The following SBF2 variants were observed in gnomAD, a reference collection of about 807,000 sequenced individuals.
SBF2 encodes SET binding factor 2, also known as myotubularin-related protein 13.
Under a neutral mutation model 225.2 loss-of-function variants are expected in SBF2, and 112 were observed. That is an observed-to-expected ratio of 0.50 (90% CI 0.43 to 0.58). The LOEUF is 0.58. SBF2 is among the 20% of genes least tolerant of loss of function. The probability of loss-of-function intolerance (pLI) is 0.00; values close to 1 mark genes in which losing one functional copy is unlikely to be tolerated. For missense variants in SBF2, 1,996 were observed against 2,206.2 expected (o/e 0.90, Z 1.91); for synonymous variants, 763 against 773.3 (o/e 0.99, Z 0.22).
At chr11:9,966,489 C>T (rs1866921180) in intron 14 of SBF2, among the ~76,000 whole-genome samples, 1 of 152,038 alleles carries the variant, frequency 6.6e-6, no homozygotes, top group Non-Finnish European at 1.5e-5. Context: ...ATCTAATTAA[C>T]CAACTTCAAA....
At chr11:10,138,525 ATT>A (rs200917640) in intron 2 of SBF2, among the ~76,000 whole-genome samples, 11,430 of 136,146 alleles carry the variant, frequency 0.084, 611 homozygotes, top group East Asian at 0.3. Context: ...TTCTTTTCCT[ATT>A]TTTTTTTTTT....
chr11:10,273,331 C>G (rs1397229781), intron 1 of SBF2, among the ~76,000 whole-genome samples: 2 of 151,946 alleles, frequency 1.3e-5, no homozygotes, highest in African/African-American at 2.4e-5. Context: ...TTTTTGAACT[C>G]GAATTACTGT....
intron 2 of SBF2, chr11:10,044,454 G>A (rs1949776560): frequency 6.3e-6 from 1 of 158,580 alleles, no homozygotes; most frequent in Non-Finnish European, 1.4e-5. Flanking sequence ...ATAAGCAAAT[G>A]ATATAATAAG....
intron 1 of SBF2, among the ~76,000 whole-genome samples, chr11:10,220,496 T>C (rs997911786): frequency 3.3e-5 from 5 of 152,234 alleles, no homozygotes; most frequent in African/African-American, 1.2e-4. Flanking sequence ...TAAATTCTCA[T>C]GTGAGTTCAT....
chr11:9,950,715 C>A (rs894964782), intron 16 of SBF2, among the ~76,000 whole-genome samples: 1 of 152,090 alleles, frequency 6.6e-6, no homozygotes, highest in East Asian at 1.9e-4. Flanking sequence ...TGCACAAAGA[C>A]ATAAAGGTGA....
chr11:9,993,949 C>A lies in SBF2; in HGVS notation c.1025G>T (p.Arg342Leu). 8.0e-7 allele frequency: 1 copy of A among 1,257,710 alleles called. No individual in the cohort carries two copies. Among genetic ancestry groups the A allele is most frequent in the Non-Finnish European group, 1.2e-6 (1 of 854,684 alleles). The allele number at this position is 1,257,710 out of a possible 1,614,324, so 77.9% of individuals were successfully genotyped here. ...EVADHAFPPPRTALSHSKMLD... is the reference protein window; with the variant it reads ...EVADHAFPPPLTALSHSKMLD... ...CATTTTTGAGTGGGATAAAGCTGTT[C>A]GTGGAGGAGGAAAAGCATGATCTGC... Residue 342 changes from arginine (R) to leucine (L), a missense_variant, in exon 10 of 40, where the codon CGA becomes CTA. Physicochemically the swap from Arg to Leu is moderately radical, Grantham distance 102. Coordinates refer to ENST00000256190, the MANE Select transcript of SBF2 (RefSeq NM_030962.4).
At chr11:10,216,739 G>A (rs1019146828) in intron 1 of SBF2, among the ~76,000 whole-genome samples, 2 of 152,028 alleles carry the variant, frequency 1.3e-5, no homozygotes, top group African/African-American at 4.8e-5. Flanking sequence ...GTGTGGTGGC[G>A]GGCCCCTGTA....
chr11:9,959,684 C>G, intron 16 of SBF2: 5 of 729,492 alleles, frequency 6.9e-6, no homozygotes, highest in Admixed American at 3.5e-5. Flanking sequence ...GCTTGAGTAC[C>G]ATCGATTCAG....
intron 13 of SBF2, among the ~76,000 whole-genome samples, chr11:9,982,933 G>A (rs1947020629): frequency 6.6e-6 from 1 of 152,194 alleles, no homozygotes; most frequent in Non-Finnish European, 1.5e-5. Flanking sequence ...GGAGCTTGCC[G>A]GGTCCCAAAG....
chr11:10,081,327 A>G (rs900365131), intron 2 of SBF2, among the ~76,000 whole-genome samples: 3 of 152,206 alleles, frequency 2.0e-5, no homozygotes, highest in Admixed American at 6.5e-5. Flanking sequence ...TGAATGATCT[A>G]TGGGTCAACA....
At chr11:10,271,768 G>A (rs1297822120) in intron 1 of SBF2, among the ~76,000 whole-genome samples, 1 of 111,844 alleles carries the variant, frequency 8.9e-6, no homozygotes, top group Non-Finnish European at 2.1e-5. Context: ...TATGAAAGAG[G>A]TGCATTTTGG....
At chr11:9,841,609 T>G (rs1856155830) in intron 25 of SBF2, among the ~76,000 whole-genome samples, 1 of 151,982 alleles carries the variant, frequency 6.6e-6, no homozygotes, top group Admixed American at 6.6e-5. Context: ...CTCGGCTCAC[T>G]GCAACCTTCT....
Position 10,272,067 on chromosome 11 carries a change from A to G in SBF2, c.55+21948T>C, listed in dbSNP as rs1461134342. On this transcript the variant is annotated intron_variant, in intron 1 of 39. Coordinates refer to ENST00000256190, the MANE Select transcript of SBF2 (RefSeq NM_030962.4). ...CTCTCGAGTCTTCAGAGTAAAGCAC[A>G]GGATCTAGGCTCCCGGAAGGGGTTA... 3 of 1,141,324 alleles carry G rather than the reference A, an allele frequency of 2.6e-6. 1 individual carries two copies. Among genetic ancestry groups the G allele is most frequent in the East Asian group, 2.6e-5 (1 of 38,708 alleles). 70.7% of individuals were successfully genotyped at this position (1,141,324 alleles called of 1,614,324 possible).
At chr11:10,232,011 A>T (rs576448094) in intron 1 of SBF2, among the ~76,000 whole-genome samples, 2 of 152,152 alleles carry the variant, frequency 1.3e-5, no homozygotes, top group African/African-American at 4.8e-5. Flanking sequence ...GCAATGGCGG[A>T]CGCCCCTCCC....
chr11:10,262,377 A>G (rs1961529961), intron 1 of SBF2, among the ~76,000 whole-genome samples: 2 of 152,112 alleles, frequency 1.3e-5, no homozygotes, highest in Non-Finnish European at 2.9e-5. Flanking sequence ...GTTGTAGAGG[A>G]AAAAAAGCCT....
In SBF2 at chr11:10,225,530, T is replaced by A. The variant is rs115809165; in HGVS notation, c.56-31543A>T. On this transcript the variant is annotated intron_variant, in intron 1 of 39. Coordinates refer to ENST00000256190, the MANE Select transcript of SBF2 (RefSeq NM_030962.4). ...CATAGAGGTTGTATTTGTGCTATTA[T>A]AAATAGAAATTTATTTCCTAATAAG... 6.2e-3 allele frequency among the ~76,000 whole-genome samples: 950 copies of A among 152,242 alleles called. 9 individuals carry two copies. The highest frequency in any genetic ancestry group is 0.022 in the African/African-American group (901 of 41,574).
intron 1 of SBF2, among the ~76,000 whole-genome samples, chr11:10,283,896 A>G (rs191496612): frequency 6.6e-6 from 1 of 152,336 alleles, no homozygotes; most frequent in Admixed American, 6.5e-5. Flanking sequence ...ACAGCACTAT[A>G]AGAACACAAA....
chr11:9,833,470 G>T (rs1358580379), intron 26 of SBF2, among the ~76,000 whole-genome samples: 4 of 148,900 alleles, frequency 2.7e-5, no homozygotes, highest in Non-Finnish European at 5.9e-5. Context: ...GCCCAGGCTG[G>T]AGTGCAGTGG....
In SBF2 at chr11:10,287,080, C is replaced by T. The variant is rs573035171; in HGVS notation, c.55+6935G>A. 3.3e-5 allele frequency among the ~76,000 whole-genome samples: 5 copies of T among 152,298 alleles called. No individual in the cohort carries two copies. In the South Asian group the frequency reaches 1.0e-3, roughly 32 times the overall value. On this transcript the variant is annotated intron_variant, in intron 1 of 39. Transcript: ENST00000256190. ...AAGGAACAACTGCCAATAAATTCAA[C>T]ATAGATAAATCTCAACTGTATGATC...
Sources: allele counts gnomAD v4.1 joint callset (sites outside exome capture counted in the v4.1 genomes callset), GRCh38; gene constraint gnomAD v4.1.1; transcripts MANE v1.5; gene names NCBI Gene and HGNC (gene_info 2026-07-23, HGNC 2026-07-21).